SPIDR: variants seen among roughly 807,000 people sequenced by gnomAD.
SPIDR encodes DNA repair-scaffolding protein.
SPIDR carries 93 observed loss-of-function variants against 104.6 expected under a neutral mutation model. That is an observed-to-expected ratio of 0.89 (90% CI 0.75 to 1.06). The LOEUF (loss-of-function observed/expected upper bound fraction) is 1.06, where lower values mean the gene tolerates loss of function less well. Ranked by LOEUF, SPIDR falls within the 50% of genes least tolerant of loss-of-function variation. The pLI is 0.00. For synonymous variants in SPIDR, 431 were observed against 416.9 expected (o/e 1.03, Z -0.41); for missense variants, 1,154 against 1,111.2 (o/e 1.04, Z -0.55).
At chr8:47,727,039 C>T (rs984139642) in intron 16 of SPIDR, among the ~76,000 whole-genome samples, 161 bp from the exon 17 acceptor site, 3 of 152,094 alleles carry the variant, frequency 2.0e-5, no homozygotes, top group Admixed American at 6.5e-5. Flanking sequence ...TTTCTTTGTA[C>T]AATAAGTGGA....
chr8:47,625,916 G>T (rs987419525), intron 10 of SPIDR, among the ~76,000 whole-genome samples: 5 of 152,152 alleles, frequency 3.3e-5, no homozygotes, highest in Admixed American at 3.3e-4. Context: ...CCAAAAAAGA[G>T]CCCGCATTGC....
intron 5 of SPIDR, among the ~76,000 whole-genome samples, chr8:47,322,230 G>A (rs868991368): frequency 3.3e-5 from 5 of 152,104 alleles, no homozygotes; most frequent in East Asian, 1.9e-4. Flanking sequence ...TCTACAATGA[G>A]CTCCAACAAA....
chr8:47,631,510 A>G (rs929424139), intron 10 of SPIDR, among the ~76,000 whole-genome samples: 1 of 152,272 alleles, frequency 6.6e-6, no homozygotes, highest in Non-Finnish European at 1.5e-5. Context: ...ACTAAAAAGC[A>G]ACACAGAAAA....
chr8:47,482,344 A>G (rs1232948003), intron 8 of SPIDR, among the ~76,000 whole-genome samples: 1 of 152,072 alleles, frequency 6.6e-6, no homozygotes, highest in Non-Finnish European at 1.5e-5. Context: ...CTGAGGTGGG[A>G]AGATCACCTG....
rs559454364 is a variant in SPIDR, at chr8:47,346,108, A to C, written c.526-50268A>C. ...TGACATTGGCTGTGGGTTTGTCATA[A>C]ATAGCTCTTATTATTTTGAGATACA... On this transcript the variant is annotated intron_variant, in intron 5 of 19. Transcript: ENST00000297423. 2.6e-5 allele frequency among the ~76,000 whole-genome samples: 4 copies of C among 152,260 alleles called. No individual in the cohort carries two copies. In the East Asian group the frequency reaches 7.7e-4, roughly 29 times the overall value.
At chr8:47,675,449 T>G (rs1354306100) in intron 11 of SPIDR, among the ~76,000 whole-genome samples, 1 of 152,218 alleles carries the variant, frequency 6.6e-6, no homozygotes, top group Non-Finnish European at 1.5e-5. Context: ...GGAAAGCATG[T>G]CTAGATACGA....
intron 8 of SPIDR, among the ~76,000 whole-genome samples, chr8:47,570,928 TAAAAATAC>T (rs1447179486): frequency 1.3e-5 from 2 of 151,982 alleles, no homozygotes; most frequent in Non-Finnish European, 2.9e-5. Context: ...CCGTCTCTAC[TAAAAATAC>T]AAAAATTAGC....
rs1333485401 is a variant in SPIDR at position 47,399,514 on chromosome 8, GGA to G, written c.776+2895_776+2896del. 2.6e-5 allele frequency among the ~76,000 whole-genome samples: 4 copies of G among 152,334 alleles called. No homozygotes were observed. The East Asian group carries it at 7.7e-4, about 29-fold the overall frequency. The stretch of plus-strand genomic sequence containing the variant: ...TGAGAACGGAGTTGTGGAGGTCTGA[GGA>G]GAGAGAATCTGTGACACGGGCATGT... On this transcript the variant is annotated intron_variant, in intron 6 of 19. Transcript: ENST00000297423.
intron 10 of SPIDR, among the ~76,000 whole-genome samples, chr8:47,629,622 ATGAACC>A (rs1265289170): frequency 6.6e-6 from 1 of 152,348 alleles, no homozygotes; most frequent in East Asian, 1.9e-4. Flanking sequence ...GTGTGGCGGC[ATGAACC>A]TGTAATCCCA....
In SPIDR at chr8:47,352,083, C is replaced by T. The variant is rs568767789; in HGVS notation, c.526-44293C>T. On this transcript the variant is annotated intron_variant, in intron 5 of 19. Transcript: ENST00000297423. ...CACGAGGTCAAGAGATCGAGACTAT[C>T]CTGGCCAACTTGATGAAACCCCGTC... Among the ~76,000 whole-genome samples the T allele has an allele frequency of 3.3e-5, 5 of 152,100 alleles. No homozygotes were observed. The South Asian group carries it at 1.0e-3, about 32-fold the overall frequency.
chr8:47,685,493 A>ATTTTTTTTTT (rs1563538977), intron 11 of SPIDR, among the ~76,000 whole-genome samples: 1 of 114,260 alleles, frequency 8.8e-6, no homozygotes, highest in Non-Finnish European at 2.1e-5. Flanking sequence ...TTATTTATTT[A>ATTTTTTTTTT]TTTATTTATT....
chr8:47,713,792 G>T (rs2082191727), intron 16 of SPIDR, 151 bp downstream of exon 16: 4 of 1,070,064 alleles, frequency 3.7e-6, no homozygotes, highest in Admixed American at 5.1e-5. Flanking sequence ...AATTGTTCTT[G>T]GTATCAGACT....
At chr8:47,490,890 A>ATCTCAT (rs2078589768) in intron 8 of SPIDR, among the ~76,000 whole-genome samples, 1 of 152,206 alleles carries the variant, frequency 6.6e-6, no homozygotes, top group Non-Finnish European at 1.5e-5. Flanking sequence ...AGATATACCT[A>ATCTCAT]ATGTAAATGA....
chr8:47,647,543 C>A (rs962872539), intron 10 of SPIDR, among the ~76,000 whole-genome samples: 1 of 149,562 alleles, frequency 6.7e-6, no homozygotes, highest in Non-Finnish European at 1.5e-5. Flanking sequence ...TGAACTCAGG[C>A]GGCGGAGGTT....
rs370526185 is a variant in SPIDR at position 47,685,517 on chromosome 8, A to ATTTT, written c.1685+11580_1685+11583dup. On this transcript the variant is annotated intron_variant, in intron 11 of 19. Transcript: ENST00000297423. ...TATTTATTTATTTATTTATTTATTT[A>ATTTT]TTTTTTTGAGACAGTCTCTCTCTGT... Among the ~76,000 whole-genome samples the ATTTT allele has an allele frequency of 5.5e-3, 718 of 130,156 alleles. 27 individuals carry two copies. Among genetic ancestry groups the ATTTT allele is most frequent in the Admixed American group, 0.013 (161 of 12,524 alleles). The allele number at this position is 130,156 out of a possible 152,430, so 85.4% of individuals were successfully genotyped here. A position where few individuals can be genotyped will look rare whatever the true frequency, so the allele number is the denominator to read the frequency against.
chr8:47,629,531 T>C (rs757759001), intron 10 of SPIDR, among the ~76,000 whole-genome samples: 5 of 152,174 alleles, frequency 3.3e-5, no homozygotes, highest in Non-Finnish European at 5.9e-5. Flanking sequence ...GGCAGGTGGA[T>C]CACCTGAGGT....
At chr8:47,383,876 T>A (rs2059597337) in intron 5 of SPIDR, among the ~76,000 whole-genome samples, 1 of 152,238 alleles carries the variant, frequency 6.6e-6, no homozygotes, top group Admixed American at 6.5e-5. Flanking sequence ...TGCTTTTATC[T>A]TTTTGACTCA....
At chr8:47,649,623 C>T (rs1215174890) in intron 10 of SPIDR, among the ~76,000 whole-genome samples, 1 of 151,822 alleles carries the variant, frequency 6.6e-6, no homozygotes, top group African/African-American at 2.4e-5. Flanking sequence ...GGCTGTAGAG[C>T]GGCTATATGG....
intron 11 of SPIDR, among the ~76,000 whole-genome samples, chr8:47,692,726 G>A (rs1435818083): frequency 6.6e-6 from 1 of 152,008 alleles, no homozygotes; most frequent in African/African-American, 2.4e-5. Flanking sequence ...GGGATTACAG[G>A]TGTGAGCCAC....
Sources: allele counts gnomAD v4.1 joint callset (sites outside exome capture counted in the v4.1 genomes callset), GRCh38; gene constraint gnomAD v4.1.1; transcripts MANE v1.5; gene names NCBI Gene and HGNC (gene_info 2026-07-23, HGNC 2026-07-21).